DNAH12: variants seen among roughly 807,000 people sequenced by gnomAD.
DNAH12 encodes the protein axonemal beta dynein heavy chain 12.
A neutral mutation model predicts 371.5 loss-of-function variants in DNAH12; 285 were observed. The observed-to-expected ratio is 0.77, with a 90% CI of 0.70 to 0.85. DNAH12 has a LOEUF of 0.85. Among genes scored for constraint, DNAH12 ranks in the 40% least tolerant of loss-of-function variants. DNAH12 has a pLI of 0.00. For missense variants in DNAH12, 3,611 were observed against 3,689.4 expected (o/e 0.98, Z 0.55); for synonymous variants, 1,200 against 1,213.0 (o/e 0.99, Z 0.22).
intron 35 of DNAH12, among the ~76,000 whole-genome samples, chr3:57,422,235 T>A (rs2064611662): frequency 8.1e-6 from 1 of 123,270 alleles, no homozygotes; most frequent in African/African-American, 4.8e-5. Context: ...AAAAAAATTT[T>A]TTTTTCTTTT....
intron 34 of DNAH12, among the ~76,000 whole-genome samples, chr3:57,425,488 C>T (rs2153363486): frequency 6.6e-6 from 1 of 152,188 alleles, no homozygotes; most frequent in South Asian, 2.1e-4. Context: ...AGTGCAGCCT[C>T]AACCTTCTGG....
intron 24 of DNAH12, 106 bp from the exon 25 acceptor site, chr3:57,453,121 T>G (rs2065804265): frequency 6.8e-7 from 1 of 1,460,600 alleles, no homozygotes; most frequent in Non-Finnish European, 9.1e-7. Flanking sequence ...TAATTCATGT[T>G]TGCCAACTTA....
chr3:57,497,672 A>G (rs961424888), intron 11 of DNAH12, among the ~76,000 whole-genome samples: 9 of 152,312 alleles, frequency 5.9e-5, no homozygotes, highest in Admixed American at 5.9e-4. Flanking sequence ...AATTCTAAGA[A>G]AAGCTTCCAG....
At chr3:57,463,959 C>T (rs1458432296) in intron 17 of DNAH12, among the ~76,000 whole-genome samples, 3 of 151,944 alleles carry the variant, frequency 2.0e-5, no homozygotes. Flanking sequence ...AGTGAAAAAA[C>T]TCCAAGCAGA....
chr3:57,524,411 TAA>T (rs1371560518), intron 2 of DNAH12, among the ~76,000 whole-genome samples: 1 of 152,150 alleles, frequency 6.6e-6, no homozygotes, highest in African/African-American at 2.4e-5. Context: ...TCAAAACTGT[TAA>T]GAGATTTTTT....
chr3:57,508,287 GT>G (rs2067849643), intron 7 of DNAH12, 94 bp downstream of exon 7: 11 of 1,168,980 alleles, frequency 9.4e-6, no homozygotes, highest in Middle Eastern at 3.0e-4. Context: ...AGAGAAAAGT[GT>G]TGAAGATTTA....
intron 71 of DNAH12, among the ~76,000 whole-genome samples, 167 bp downstream of exon 71, chr3:57,296,680 A>G (rs913865263): frequency 6.6e-6 from 1 of 152,256 alleles, no homozygotes; most frequent in African/African-American, 2.4e-5. Flanking sequence ...TGGATTATTT[A>G]AATCAAATAT....
chr3:57,477,887 CA>C (rs1352818239), intron 13 of DNAH12, among the ~76,000 whole-genome samples: 1 of 152,118 alleles, frequency 6.6e-6, no homozygotes, highest in Non-Finnish European at 1.5e-5. Flanking sequence ...GGAAAACTAA[CA>C]AACAGAAAGG....
chr3:57,397,318 C>CA (rs1432241161), intron 43 of DNAH12, among the ~76,000 whole-genome samples: 9,642 of 152,194 alleles, frequency 0.063, 1,019 homozygotes, highest in African/African-American at 0.22. Context: ...GGACTGTTCC[C>CA]AAAAGGGTAA....
chr3:57,393,625 C>CAAAAAAAAAA (rs1180952196), intron 44 of DNAH12, among the ~76,000 whole-genome samples: 10 of 64,296 alleles, frequency 1.6e-4, no homozygotes, highest in East Asian at 4.2e-4. Flanking sequence ...GACTCTGTCT[C>CAAAAAAAAAA]AAAAAAAAAA....
intron 2 of DNAH12, among the ~76,000 whole-genome samples, chr3:57,539,478 T>C (rs1319137097): frequency 6.6e-6 from 1 of 152,174 alleles, no homozygotes; most frequent in Non-Finnish European, 1.5e-5. Context: ...GCTAGAGAGC[T>C]TTTCTCATGT....
intron 32 of DNAH12, among the ~76,000 whole-genome samples, chr3:57,431,761 A>G (rs1243310316): frequency 6.6e-6 from 1 of 152,162 alleles, no homozygotes; most frequent in African/African-American, 2.4e-5. Context: ...CTTCCACTCA[A>G]TCAGGCTCTC....
intron 33 of DNAH12, 68 bp from the exon 34 acceptor site, chr3:57,428,889 T>G: frequency 7.1e-7 from 1 of 1,402,376 alleles, no homozygotes; most frequent in Non-Finnish European, 9.5e-7. Context: ...TTATCAACTA[T>G]TTCTTAAGAT....
chr3:57,404,561 C>T (rs1448498924), intron 42 of DNAH12, among the ~76,000 whole-genome samples: 1 of 150,656 alleles, frequency 6.6e-6, no homozygotes, highest in Admixed American at 6.6e-5. Flanking sequence ...ACTAAAAATA[C>T]AAAAAAAAAT....
chr3:57,352,023 AGATTT>A, intron 60 of DNAH12, 57 bp downstream of exon 60: 1 of 1,433,476 alleles, frequency 7.0e-7, no homozygotes, highest in Non-Finnish European at 9.2e-7. Flanking sequence ...ACATATTCAC[AGATTT>A]GATTTTCCAG....
At chr3:57,472,863 C>A (rs1487613830) in intron 13 of DNAH12, among the ~76,000 whole-genome samples, 192 bp from the exon 14 acceptor site, 2 of 152,048 alleles carry the variant, frequency 1.3e-5, no homozygotes, top group African/African-American at 4.8e-5. Flanking sequence ...TTGCTTCATG[C>A]CACATAATTG....
intron 62 of DNAH12, among the ~76,000 whole-genome samples, chr3:57,328,996 C>A (rs1334853128): frequency 2.8e-5 from 4 of 145,046 alleles, no homozygotes; most frequent in Admixed American, 6.9e-5. Context: ...TAGGAATCCA[C>A]CTTACAAGGG....
At position 57,296,847 on chromosome 3, in the gene DNAH12, C is replaced by T. The variant is rs544970814; in HGVS notation, c.11532G>A (p.Glu3844=). Residue 3844 remains glutamate (E), a splice_region_variant and synonymous_variant, in exon 71 of 74, where the codon GAG becomes GAA. Coordinates refer to ENST00000495027, the MANE Select transcript of DNAH12 (RefSeq NM_001366028.2). The part of the protein sequence containing the change: ...TPIDLLGYEF[E]VIPSDTSDTS... ...TGTTGACTTTAAGGAGTTACTATACCTCAAATTCATATCCTAGCAAATCAA... is the reference window on the plus strand; with the variant it reads ...TGTTGACTTTAAGGAGTTACTATACTTCAAATTCATATCCTAGCAAATCAA... 4 of 1,551,166 alleles carry T rather than the reference C, an allele frequency of 2.6e-6. No homozygotes were observed. The highest frequency in any genetic ancestry group is 2.4e-5 in the South Asian group (2 of 83,948).
At position 57,468,837 on chromosome 3, in the gene DNAH12, T is replaced by C. The variant is rs1049021096; in HGVS notation, c.2248A>G (p.Arg750Gly). The C allele has an allele frequency of 6.5e-6, 10 of 1,530,820 alleles. No individual in the cohort carries two copies. The African/African-American group carries it at 1.4e-4, about 22-fold the overall frequency. 94.8% of individuals were successfully genotyped at this position (1,530,820 alleles called of 1,614,324 possible). A position where few individuals can be genotyped will look rare whatever the true frequency, so the allele number is the denominator to read the frequency against. ...TTCTCTTCTTCCAAAGACCGTTTTC[T>C]TGCTGCCTTTCTTTTTTCTTGTAAT... ...KELQEKRKAA[R>G]KRSLEEEKIE... Residue 750 changes from arginine to glycine, a missense_variant, in exon 17 of 74, where the codon AGA becomes GGA. By Grantham distance (125) the Arg-to-Gly change is moderately radical. Transcript: ENST00000495027.
Sources: gnomAD v4.1 joint callset for allele counts (sites outside exome capture counted in the v4.1 genomes callset) on GRCh38, gnomAD v4.1.1 for gene constraint, MANE v1.5 for transcripts, NCBI Gene and HGNC (gene_info 2026-07-23, HGNC 2026-07-21) for gene names.